The following UBE2K variants were observed in gnomAD, a reference collection of about 807,000 sequenced individuals.
UBE2K encodes the protein ubiquitin-conjugating enzyme E2 K.
Under a neutral mutation model 30.0 loss-of-function variants are expected in UBE2K, and 6 were observed. The ratio of observed to expected loss-of-function variants is 0.20; its 90% CI spans 0.11 to 0.39. The LOEUF (loss-of-function observed/expected upper bound fraction) is 0.39. Ranked by LOEUF, UBE2K falls within the 10% of genes least tolerant of loss-of-function variation. The pLI is 1.00. For synonymous variants in UBE2K, 86 were observed against 83.7 expected, an observed-to-expected ratio of 1.03 and a Z score of -0.15; for missense variants, 61 against 241.6, an observed-to-expected ratio of 0.25 and a Z score of 4.96.
rs569251225 is a variant in UBE2K, at chr4:39,730,810, CTTTT to C, written c.64-6594_64-6591del. On this transcript the variant is annotated intron_variant, in intron 1 of 6. Coordinates refer to ENST00000261427, the MANE Select transcript of UBE2K (RefSeq NM_005339.5). ...TAATAATTGCTAGCTGCTATAGCTT[CTTTT>C]TTTTTTTTTTTTTTTGAGACAGAGT... 6.7e-5 allele frequency among the ~76,000 whole-genome samples: 6 copies of C among 89,646 alleles called. No individual in the cohort carries two copies. The East Asian group carries it at 2.1e-3, about 31-fold the overall frequency. 58.8% of individuals were successfully genotyped at this position (89,646 alleles called of 152,430 possible). A position where few individuals can be genotyped will look rare whatever the true frequency, so the allele number is the denominator to read the frequency against.
intron 1 of UBE2K, among the ~76,000 whole-genome samples, chr4:39,715,048 C>T (rs1318324780): frequency 2.2e-5 from 3 of 137,020 alleles, no homozygotes; most frequent in African/African-American, 5.4e-5. Flanking sequence ...TTTTTTGAGA[C>T]GGAGTCTCAC....
intron 1 of UBE2K, among the ~76,000 whole-genome samples, chr4:39,708,283 A>T (rs1439057270): frequency 6.6e-6 from 1 of 152,098 alleles, no homozygotes; most frequent in Non-Finnish European, 1.5e-5. Flanking sequence ...ATTATTCAAG[A>T]AGCACATTTG....
chr4:39,743,590 C>T (rs948828514), intron 2 of UBE2K, among the ~76,000 whole-genome samples: 2 of 146,688 alleles, frequency 1.4e-5, no homozygotes, highest in South Asian at 2.1e-4. Context: ...GGCGACAGAG[C>T]GAGACTCCGT....
At chr4:39,702,226 CTTTTCTTTTTTTTTTTTTT>C (rs1560335653) in intron 1 of UBE2K, among the ~76,000 whole-genome samples, 84 of 90,650 alleles carry the variant, frequency 9.3e-4, no homozygotes, top group Middle Eastern at 7.6e-3. Flanking sequence ...CTTTTCTTTT[CTTTTCTTTTTTTTTTTTTT>C]TTTTTTTTTT....
intron 1 of UBE2K, among the ~76,000 whole-genome samples, chr4:39,728,663 A>G (rs1291643587): frequency 2.0e-5 from 3 of 146,900 alleles, no homozygotes; most frequent in East Asian, 4.0e-4. Flanking sequence ...TTTGAGACAG[A>G]GTCTCGCTCT....
intron 1 of UBE2K, among the ~76,000 whole-genome samples, chr4:39,724,121 A>ATT (rs11295454): frequency 7.0e-6 from 1 of 142,522 alleles, no homozygotes. Context: ...TCCTTTTTTA[A>ATT]TTTTTTTTTT....
rs1180189653 is a variant in UBE2K at position 39,755,460 on chromosome 4, G to C, written c.217-197G>C. On this transcript the variant is annotated intron_variant, in intron 3 of 6. Coordinates refer to ENST00000261427, the MANE Select transcript of UBE2K (RefSeq NM_005339.5). ...AGGCGGAACATTTATTAAAGAGTTT[G>C]AAAACAACATATGTTAGTGACAACA... Among the ~76,000 whole-genome samples, 97 of 152,142 alleles carry C rather than the reference G, an allele frequency of 6.4e-4. 2 individuals are homozygous for C. The highest frequency in any genetic ancestry group is 6.4e-3 in the Admixed American group (97 of 15,254).
At chr4:39,745,902 TC>T in intron 3 of UBE2K, 92 bp downstream of exon 3, 1 of 982,902 alleles carries the variant, frequency 1.0e-6, no homozygotes, top group Admixed American at 2.9e-5. Flanking sequence ...CTTATTAAAG[TC>T]ACAGCTTTAT....
intron 4 of UBE2K, among the ~76,000 whole-genome samples, chr4:39,774,592 GAC>G (rs1413651859): frequency 6.6e-6 from 1 of 151,722 alleles, no homozygotes; most frequent in Non-Finnish European, 1.5e-5. Context: ...CAGCCTGGGC[GAC>G]AGAGCCAGAC....
chr4:39,704,868 C>T (rs1480373939), intron 1 of UBE2K, among the ~76,000 whole-genome samples: 9 of 132,474 alleles, frequency 6.8e-5, no homozygotes, highest in African/African-American at 3.1e-4. Context: ...AGACTATACA[C>T]CTTTTTTTTT....
Position 39,778,732 on chromosome 4 carries a change from C to G in UBE2K, c.*298C>G. 1 of 222,380 alleles carries G rather than the reference C, an allele frequency of 4.5e-6. No homozygotes were observed. The highest frequency in any genetic ancestry group is 8.9e-6 in the Non-Finnish European group (1 of 111,932). The allele number at this position is 222,380 out of a possible 1,614,324, so 13.8% of individuals were successfully genotyped here. ...TGCTACTTTAGTGTTTAGCAGTGTA[C>G]CAAGACTAGCAAGAGTTTGCTTCAG... On this transcript the variant is annotated 3_prime_UTR_variant, in exon 7 of 7. Transcript: ENST00000261427.
intron 1 of UBE2K, among the ~76,000 whole-genome samples, chr4:39,735,883 T>C (rs1720350899): frequency 6.6e-6 from 1 of 152,204 alleles, no homozygotes; most frequent in Non-Finnish European, 1.5e-5. Context: ...TCCTATGTTT[T>C]TATTAAAAAA....
At chr4:39,733,332 ATT>A (rs34069872) in intron 1 of UBE2K, among the ~76,000 whole-genome samples, 1,345 of 128,964 alleles carry the variant, frequency 0.01, 11 homozygotes, top group Admixed American at 0.023. Context: ...TCGGGCTTTA[ATT>A]TTTTTTTTTT....
intron 2 of UBE2K, among the ~76,000 whole-genome samples, chr4:39,738,605 C>T (rs1663166789): frequency 6.6e-6 from 1 of 152,174 alleles, no homozygotes; most frequent in South Asian, 2.1e-4. Context: ...CTCCAGCTTC[C>T]TCAGTAGCTA....
chr4:39,706,161 A>G (rs1444122559), intron 1 of UBE2K, among the ~76,000 whole-genome samples: 1 of 151,028 alleles, frequency 6.6e-6, no homozygotes, highest in Admixed American at 6.6e-5. Context: ...ACAGGCGTCC[A>G]CGACCACTCC....
chr4:39,715,047 A>G (rs1289216801), intron 1 of UBE2K, among the ~76,000 whole-genome samples: 1 of 139,474 alleles, frequency 7.2e-6, no homozygotes, highest in East Asian at 2.2e-4. Flanking sequence ...TTTTTTTGAG[A>G]CGGAGTCTCA....
intron 4 of UBE2K, among the ~76,000 whole-genome samples, chr4:39,757,436 G>A (rs1711566455): frequency 1.3e-5 from 2 of 150,144 alleles, no homozygotes; most frequent in African/African-American, 4.9e-5. Flanking sequence ...TTAGTAACTG[G>A]ATGAACAGAC....
chr4:39,745,671 C>A (rs977321989), intron 2 of UBE2K, 81 bp from the exon 3 acceptor site: 2 of 890,502 alleles, frequency 2.2e-6, no homozygotes, highest in Non-Finnish European at 3.5e-6. Context: ...AAAATAGCTG[C>A]TCTGAAAAGC....
At chr4:39,736,443 C>T (rs1459615973) in intron 1 of UBE2K, among the ~76,000 whole-genome samples, 1 of 152,120 alleles carries the variant, frequency 6.6e-6, no homozygotes, top group Non-Finnish European at 1.5e-5. Flanking sequence ...GCCTGGGCAG[C>T]AAGAGCAAGA....
Sources: allele counts gnomAD v4.1 joint callset (sites outside exome capture counted in the v4.1 genomes callset), GRCh38; gene constraint gnomAD v4.1.1; transcripts MANE v1.5; gene names NCBI Gene and HGNC (gene_info 2026-07-23, HGNC 2026-07-21).